The following SLC26A7 variants were observed in gnomAD, a reference collection of about 807,000 sequenced individuals.
The protein encoded by SLC26A7 is anion exchange transporter.
SLC26A7 carries 59 observed loss-of-function variants against 82.5 expected under a neutral mutation model. That is an observed-to-expected ratio of 0.72 (90% confidence interval 0.58 to 0.89). The LOEUF is 0.89. Among genes scored for constraint, SLC26A7 ranks in the 40% least tolerant of loss-of-function variants. The probability of loss-of-function intolerance (pLI) is 0.00; values close to 1 mark genes in which losing one functional copy is unlikely to be tolerated. For missense variants in SLC26A7, 820 were observed against 793.0 expected (o/e 1.03, Z -0.41); for synonymous variants, 271 against 274.3 (o/e 0.99, Z 0.12).
At chr8:91,389,245 A>C in intron 15 of SLC26A7, 93 bp from the exon 16 acceptor site, 1 of 779,272 alleles carries the variant, frequency 1.3e-6, no homozygotes, top group Non-Finnish European at 2.2e-6. Context: ...GTTGTTAAAC[A>C]TGAGGCCACT....
Position 91,238,721 on chromosome 8 carries a change from T to C in SLC26A7, c.-33-10898T>C, listed in dbSNP as rs552928632. Among the ~76,000 whole-genome samples, 9 of 152,068 alleles carry C rather than the reference T, an allele frequency of 5.9e-5. 2 individuals are homozygous for C. The highest frequency in any genetic ancestry group is 2.2e-4 in the African/African-American group (9 of 41,538). On this transcript the variant is annotated intron_variant, in intron 2 of 5. Coordinates refer to the SLC26A7 transcript ENST00000522862. ...GTTATGTTAAGTATCTTGAAGTATA[T>C]CTCTCCCTCATTCTTGAGTCTTCCT... is the stretch of plus-strand genomic sequence containing the variant.
intron 4 of SLC26A7, among the ~76,000 whole-genome samples, chr8:91,298,091 G>T (rs992517499): frequency 6.6e-6 from 1 of 151,994 alleles, no homozygotes; most frequent in Non-Finnish European, 1.5e-5. Flanking sequence ...AGTAAGTTCT[G>T]GGGGGGCTTT....
At chr8:91,226,128 C>G (rs1396143974) in intron 2 of SLC26A7, among the ~76,000 whole-genome samples, 2 of 152,168 alleles carry the variant, frequency 1.3e-5, no homozygotes, top group African/African-American at 4.8e-5. Flanking sequence ...CTACTCTCAC[C>G]AGTTTCATTT....
At chr8:91,387,844 T>TA (rs1387129277) in intron 15 of SLC26A7, among the ~76,000 whole-genome samples, 1 of 152,174 alleles carries the variant, frequency 6.6e-6, no homozygotes, top group Admixed American at 6.5e-5. Flanking sequence ...ACCCACTCCT[T>TA]AAAAAAATTA....
intron 4 of SLC26A7, among the ~76,000 whole-genome samples, chr8:91,317,018 A>G (rs916330913): frequency 2.7e-5 from 4 of 149,242 alleles, no homozygotes; most frequent in Middle Eastern, 6.9e-3. Flanking sequence ...AAAAAAAAAA[A>G]AAAGCCAGGC....
chr8:91,370,325 T>C (rs189532407), intron 15 of SLC26A7, among the ~76,000 whole-genome samples: 48 of 151,842 alleles, frequency 3.2e-4, no homozygotes, highest in African/African-American at 1.1e-3. Flanking sequence ...TCCCTCTCTT[T>C]CTTCTTCCTC....
chr8:91,221,451 C>A (rs1810159041), intron 2 of SLC26A7, among the ~76,000 whole-genome samples: 1 of 152,140 alleles, frequency 6.6e-6, no homozygotes, highest in Non-Finnish European at 1.5e-5. Context: ...TTTGCCCATG[C>A]CTATGTCCTG....
intron 10 of SLC26A7, among the ~76,000 whole-genome samples, chr8:91,352,210 T>A (rs1002283356): frequency 6.6e-5 from 10 of 152,214 alleles, no homozygotes; most frequent in African/African-American, 1.9e-4. Flanking sequence ...ACTTTGACTG[T>A]TAGAAAAACA....
At position 91,364,344 on chromosome 8, in the gene SLC26A7, GA is replaced by G. The variant is rs1015122321; in HGVS notation, c.1488+807del. ...GAGTAAACTGGCCTCCCACCAGAAG[GA>G]CCAGAGTCAGGGTATTTCCAAATAG... On this transcript the variant is annotated intron_variant, in intron 13 of 18. Coordinates refer to ENST00000276609, the MANE Select transcript of SLC26A7 (RefSeq NM_052832.4). Among the ~76,000 whole-genome samples the G allele has an allele frequency of 3.7e-4, 56 of 152,078 alleles. 1 individual carries two copies. Among genetic ancestry groups the G allele is most frequent in the African/African-American group, 1.4e-3 (56 of 41,426 alleles).
At chr8:91,363,719 C>A (rs141649713) in intron 13 of SLC26A7, among the ~76,000 whole-genome samples, 181 bp downstream of exon 13, 1 of 152,082 alleles carries the variant, frequency 6.6e-6, no homozygotes, top group African/African-American at 2.4e-5. Context: ...TGCAACAAAT[C>A]AATAGAACAA....
At chr8:91,383,181 G>A (rs1814711059) in intron 15 of SLC26A7, among the ~76,000 whole-genome samples, 1 of 152,000 alleles carries the variant, frequency 6.6e-6, no homozygotes, top group African/African-American at 2.4e-5. Flanking sequence ...TGGAGATGAA[G>A]GACTCAGAAG....
Position 91,313,636 on chromosome 8 carries a change from T to C in SLC26A7, c.478-4580T>C, listed in dbSNP as rs1812548714. ...ACCATCCAGTCACCTATATCATTCT[T>C]CTTCATGGTCCTGGTTAACAGTCCC... On this transcript the variant is annotated intron_variant, in intron 4 of 18. Transcript: ENST00000276609. 1.3e-5 allele frequency among the ~76,000 whole-genome samples: 2 copies of C among 152,188 alleles called. 1 individual carries two copies. The highest frequency in any genetic ancestry group is 4.1e-4 in the South Asian group (2 of 4,828).
At chr8:91,363,351 T>TTATAGGATA in intron 12 of SLC26A7, 121 bp from the exon 13 acceptor site, 3 of 560,694 alleles carry the variant, frequency 5.4e-6, no homozygotes, top group Non-Finnish European at 9.5e-6. Context: ...AACAAATGAG[T>TTATAGGATA]TATAGGATAT....
intron 2 of SLC26A7, among the ~76,000 whole-genome samples, chr8:91,226,092 G>A (rs910189808): frequency 1.3e-5 from 2 of 152,076 alleles, no homozygotes; most frequent in African/African-American, 4.8e-5. Flanking sequence ...TTCTCTTTGA[G>A]TGCTTTTTCT....
chr8:91,276,939 G>A (rs1386245218), intron 2 of SLC26A7, among the ~76,000 whole-genome samples: 1 of 152,136 alleles, frequency 6.6e-6, no homozygotes, highest in Non-Finnish European at 1.5e-5. Context: ...AAGAAACAAA[G>A]AAATGGTATA....
At chr8:91,325,290 T>G (rs1029761026) in intron 5 of SLC26A7, among the ~76,000 whole-genome samples, 5 of 152,150 alleles carry the variant, frequency 3.3e-5, no homozygotes, top group Non-Finnish European at 5.9e-5. Context: ...GCATAGAGCC[T>G]GAAAGTGTTA....
intron 2 of SLC26A7, among the ~76,000 whole-genome samples, chr8:91,278,756 A>G (rs987195568): frequency 6.6e-6 from 1 of 152,164 alleles, no homozygotes; most frequent in Non-Finnish European, 1.5e-5. Context: ...TTGTTGTAAG[A>G]ACACTTAAAA....
chr8:91,348,272 T>C, intron 9 of SLC26A7: 1 of 949,322 alleles, frequency 1.1e-6, no homozygotes, highest in Non-Finnish European at 1.3e-6. Context: ...TTCCCATCTC[T>C]TTTGCCATTT....
Position 91,289,166 on chromosome 8 carries a change from A to T in SLC26A7, c.224A>T (p.His75Leu), listed in dbSNP as rs199933773. 8.1e-6 allele frequency: 13 copies of T among 1,614,010 alleles called. No homozygotes were observed. Among genetic ancestry groups the T allele is most frequent in the Non-Finnish European group, 1.1e-5 (13 of 1,179,952 alleles). The stretch of plus-strand genomic sequence containing the variant: ...GCCTTTGCTGTTCTCTCATCTGTGC[A>T]CCCAGTGTTTGGTTTATATGGGTCT... ...GLAFAVLSSV[H>L]PVFGLYGSLF... The change falls in exon 3 of 19, where the codon CAC becomes CTC. Residue 75 changes from histidine (H) to leucine (L), a missense_variant. Transcript: ENST00000276609.
Sources: gnomAD v4.1 joint callset for allele counts (sites outside exome capture counted in the v4.1 genomes callset) on GRCh38, gnomAD v4.1.1 for gene constraint, MANE v1.5 for transcripts, NCBI Gene and HGNC (gene_info 2026-07-23, HGNC 2026-07-21) for gene names.